The following VWA2 variants were observed in gnomAD, a reference collection of about 807,000 sequenced individuals.
VWA2 encodes von Willebrand factor A domain containing 2.
In VWA2, 73 loss-of-function variants were observed where a neutral mutation model predicts 70.4. The ratio of observed to expected loss-of-function variants is 1.04; its 90% CI spans 0.86 to 1.26. VWA2 has a LOEUF of 1.26. Among genes scored for constraint, VWA2 ranks in the 50% most tolerant of loss-of-function variants. The probability of loss-of-function intolerance (pLI) is 0.00; values close to 1 mark genes in which losing one functional copy is unlikely to be tolerated. For synonymous variants in VWA2, 407 were observed against 423.3 expected (o/e 0.96, Z 0.47); for missense variants, 1,011 against 998.5 (o/e 1.01, Z -0.17).
At chr10:114,240,515 G>C (rs552734297) in intron 1 of VWA2, among the ~76,000 whole-genome samples, 1 of 152,308 alleles carries the variant, frequency 6.6e-6, no homozygotes, top group South Asian at 2.1e-4. Context: ...ATTAGAACGT[G>C]TACATTTTTC....
At chr10:114,250,479 CG>C (rs2037172462) in intron 2 of VWA2, among the ~76,000 whole-genome samples, 2 of 152,296 alleles carry the variant, frequency 1.3e-5, no homozygotes, top group South Asian at 2.1e-4. Context: ...TCGTGAGGCT[CG>C]GGGTCCCCTT....
intron 6 of VWA2, among the ~76,000 whole-genome samples, chr10:114,275,522 C>T (rs1279280977): frequency 1.3e-5 from 2 of 151,886 alleles, no homozygotes; most frequent in Non-Finnish European, 2.9e-5. Context: ...CCTTCCAGTG[C>T]TTTCTTCTTC....
chr10:114,254,775 G>T (rs1349331267), intron 3 of VWA2, 140 bp from the exon 4 acceptor site: 2 of 1,124,502 alleles, frequency 1.8e-6, no homozygotes. Flanking sequence ...TTCAGAGGAG[G>T]GCTGCTTCTG....
chr10:114,246,127 C>G (rs947346289), intron 1 of VWA2: 12 of 905,514 alleles, frequency 1.3e-5, no homozygotes, highest in Admixed American at 1.1e-4. Flanking sequence ...ATCTCTGGAG[C>G]CTTGGTGTTC....
At chr10:114,265,692 A>G (rs1206900256) in intron 5 of VWA2, among the ~76,000 whole-genome samples, 1 of 152,128 alleles carries the variant, frequency 6.6e-6, no homozygotes, top group Non-Finnish European at 1.5e-5. Context: ...ATTATTTATG[A>G]CATATGAAAT....
intron 2 of VWA2, among the ~76,000 whole-genome samples, chr10:114,249,363 C>T (rs1478087655): frequency 1.3e-5 from 2 of 152,198 alleles, no homozygotes; most frequent in South Asian, 2.1e-4. Flanking sequence ...TCAAGTGATT[C>T]TCCAGCCTCA....
intron 10 of VWA2, among the ~76,000 whole-genome samples, chr10:114,285,417 T>C (rs558135275): frequency 6.6e-6 from 1 of 152,370 alleles, no homozygotes; most frequent in African/African-American, 2.4e-5. Flanking sequence ...AATAAGATTA[T>C]GCAAAGTGCT....
intron 6 of VWA2, among the ~76,000 whole-genome samples, chr10:114,273,639 G>A (rs992326346): frequency 7.2e-5 from 11 of 152,174 alleles, no homozygotes; most frequent in East Asian, 3.9e-4. Context: ...TATTGTGAGC[G>A]TTAAGTGAAA....
chr10:114,251,398 C>G (rs2037193301), intron 2 of VWA2, among the ~76,000 whole-genome samples: 1 of 152,204 alleles, frequency 6.6e-6, no homozygotes, highest in Non-Finnish European at 1.5e-5. Context: ...GGCACAGAGG[C>G]ACAGTTAGTT....
chr10:114,240,323 C>T (rs767514610), intron 1 of VWA2, among the ~76,000 whole-genome samples: 2 of 152,184 alleles, frequency 1.3e-5, no homozygotes, highest in Non-Finnish European at 2.9e-5. Flanking sequence ...CCTGCTGGGA[C>T]GGTGAATGGG....
chr10:114,256,707 G>C (rs1458248408), intron 4 of VWA2, among the ~76,000 whole-genome samples: 2 of 152,060 alleles, frequency 1.3e-5, no homozygotes, highest in Admixed American at 1.3e-4. Flanking sequence ...TCAGGAGATT[G>C]AGACCGTCCT....
rs371212756 is a variant in VWA2 at position 114,286,066 on chromosome 10, C to T, written c.1125C>T (p.Ser375=). 1.2e-4 allele frequency: 190 copies of T among 1,614,006 alleles called. No homozygotes were observed. The highest frequency in any genetic ancestry group is 1.5e-4 in the Non-Finnish European group (174 of 1,180,030). ...AGCGGTTTGTGCGGGCCGTGCTGAGCGAGGACTCTCGGGCCCGAGTGGGTG... is the reference window on the plus strand; with the variant it reads ...AGCGGTTTGTGCGGGCCGTGCTGAGTGAGGACTCTCGGGCCCGAGTGGGTG... ...FVKRFVRAVL[S]EDSRARVGVA... The change falls in exon 11 of 14, where the codon AGC becomes AGT. Residue 375 remains serine (S), a synonymous_variant. Coordinates refer to ENST00000392982, the MANE Select transcript of VWA2 (RefSeq NM_001272046.2).
intron 2 of VWA2, among the ~76,000 whole-genome samples, chr10:114,249,680 T>A (rs1049076464): frequency 6.6e-6 from 1 of 152,214 alleles, no homozygotes; most frequent in Non-Finnish European, 1.5e-5. Flanking sequence ...TGTTCCTTTT[T>A]ATGGCTGCAT....
chr10:114,285,912 C>T, intron 10 of VWA2, 27 bp from the exon 11 acceptor site: 1 of 1,555,714 alleles, frequency 6.4e-7, no homozygotes, highest in Non-Finnish European at 8.7e-7. Flanking sequence ...CATGGCTTGA[C>T]AGTGGGTGTT....
chr10:114,254,530 C>T (rs1338347493), intron 3 of VWA2, among the ~76,000 whole-genome samples: 2 of 152,192 alleles, frequency 1.3e-5, no homozygotes, highest in African/African-American at 2.4e-5. Flanking sequence ...GCTGTTACTG[C>T]TACTGAACTC....
At chr10:114,257,722 A>G (rs745636715) in intron 4 of VWA2, among the ~76,000 whole-genome samples, 8 of 152,204 alleles carry the variant, frequency 5.3e-5, no homozygotes, top group Non-Finnish European at 1.0e-4. Context: ...GAAAACCGTG[A>G]CAAGAAATTT....
chr10:114,286,973 C>T (rs575666347), intron 11 of VWA2, among the ~76,000 whole-genome samples: 3 of 152,282 alleles, frequency 2.0e-5, no homozygotes, highest in African/African-American at 7.2e-5. Context: ...CATGCACACG[C>T]GCTGGTGCAG....
In VWA2 at chr10:114,282,379, A is replaced by G. The variant is rs142752148; in HGVS notation, c.834-137A>G. The G allele has an allele frequency of 4.5e-3, 3,195 of 704,832 alleles. 49 individuals carry two copies. The highest frequency in any genetic ancestry group is 0.026 in the East Asian group (973 of 36,836). The allele number at this position is 704,832 out of a possible 1,614,324, so 43.7% of individuals were successfully genotyped here. A position where few individuals can be genotyped will look rare whatever the true frequency, so the allele number is the denominator to read the frequency against. ...GCAGAGAAAAGTTAGGGTAGAATCA[A>G]GAAACAAAACCAGGAAGTCTTTCTT... is the stretch of plus-strand genomic sequence containing the variant. On this transcript the variant is annotated intron_variant, in intron 8 of 13. Coordinates refer to ENST00000392982, the MANE Select transcript of VWA2 (RefSeq NM_001272046.2).
rs1223467751 is a variant in VWA2, at chr10:114,286,525, G to T, written c.1570+14G>T. 1 of 1,546,730 alleles carries T rather than the reference G, an allele frequency of 6.5e-7. No individual in the cohort carries two copies. ...GGCAGCGGCCAGGTAAGGTCCCAGT[G>T]CCTGACCCAGGACCGCTGGTCAGTG... On this transcript the variant is annotated intron_variant, in intron 11 of 13. Transcript: ENST00000392982.
Sources: allele counts gnomAD v4.1 joint callset (sites outside exome capture counted in the v4.1 genomes callset), GRCh38; gene constraint gnomAD v4.1.1; transcripts MANE v1.5; gene names NCBI Gene and HGNC (gene_info 2026-07-23, HGNC 2026-07-21).